Variants in ITPR2 observed in about 807,000 individuals in gnomAD.
The protein encoded by ITPR2 is inositol 1,4,5-trisphosphate-gated calcium channel ITPR2.
In ITPR2, 207 loss-of-function variants were observed where a neutral mutation model predicts 317.1. That is an observed-to-expected ratio of 0.65 (90% CI 0.58 to 0.73). The LOEUF is 0.73. Among genes scored for constraint, ITPR2 ranks in the 30% least tolerant of loss-of-function variants. The pLI is 0.00. For synonymous variants in ITPR2, 1,156 were observed against 1,149.1 expected, an observed-to-expected ratio of 1.01 and a Z score of -0.12; for missense variants, 2,613 against 3,284.0, an observed-to-expected ratio of 0.80 and a Z score of 4.99.
chr12:26,660,901 C>T (rs1947480733), intron 15 of ITPR2, among the ~76,000 whole-genome samples: 1 of 151,668 alleles, frequency 6.6e-6, no homozygotes, highest in Non-Finnish European at 1.5e-5. Flanking sequence ...AGGACTACAA[C>T]ATATAGGTGA....
intron 45 of ITPR2, among the ~76,000 whole-genome samples, chr12:26,451,973 T>A (rs529766548): frequency 6.6e-6 from 1 of 152,292 alleles, no homozygotes; most frequent in South Asian, 2.1e-4. Flanking sequence ...CTAACACTCA[T>A]CCTAATAGAA....
At chr12:26,464,175 G>A (rs1048542770) in intron 45 of ITPR2, among the ~76,000 whole-genome samples, 1 of 152,112 alleles carries the variant, frequency 6.6e-6, no homozygotes, top group Non-Finnish European at 1.5e-5. Context: ...TGGGGCGTGG[G>A]GGGGAATGGT....
chr12:26,558,435 T>C (rs1944721774), intron 35 of ITPR2, among the ~76,000 whole-genome samples: 3 of 152,226 alleles, frequency 2.0e-5, no homozygotes, highest in South Asian at 4.1e-4. Flanking sequence ...CTCTAACACA[T>C]ACAGGCCACT....
intron 34 of ITPR2, among the ~76,000 whole-genome samples, chr12:26,574,841 G>T (rs1006675889): frequency 1.3e-5 from 2 of 151,888 alleles, no homozygotes; most frequent in Admixed American, 6.6e-5. Context: ...TAAACAACCA[G>T]ATCTCACGGG....
intron 52 of ITPR2, among the ~76,000 whole-genome samples, chr12:26,409,002 T>C (rs1940451524): frequency 6.6e-6 from 1 of 152,176 alleles, no homozygotes; most frequent in Non-Finnish European, 1.5e-5. Context: ...CAGGAGTCAT[T>C]TAATTTTACC....
At chr12:26,687,613 A>G (rs755062234) in intron 10 of ITPR2, among the ~76,000 whole-genome samples, 34 of 152,048 alleles carry the variant, frequency 2.2e-4, no homozygotes, top group Non-Finnish European at 4.7e-4. Flanking sequence ...TGGAGTCCCT[A>G]CCCCCTCCCA....
At chr12:26,347,099 T>C (rs1938335156) in intron 55 of ITPR2, among the ~76,000 whole-genome samples, 2 of 152,334 alleles carry the variant, frequency 1.3e-5, no homozygotes, top group Middle Eastern at 6.8e-3. Context: ...CAAATGTCCC[T>C]GCACCTGACT....
At chr12:26,622,758 G>A (rs1296227582) in intron 24 of ITPR2, among the ~76,000 whole-genome samples, 4 of 152,180 alleles carry the variant, frequency 2.6e-5, no homozygotes, top group Admixed American at 2.0e-4. Context: ...GATGTACACC[G>A]ATGACTGATT....
chr12:26,650,780 C>A (rs988809916), intron 21 of ITPR2, among the ~76,000 whole-genome samples: 1 of 152,122 alleles, frequency 6.6e-6, no homozygotes, highest in African/African-American at 2.4e-5. Flanking sequence ...GTGTTATGTA[C>A]CCTCTGGGAG....
chr12:26,544,605 G>GAC (rs10648602), intron 37 of ITPR2, among the ~76,000 whole-genome samples: 28,392 of 146,390 alleles, frequency 0.19, 3,525 homozygotes, highest in East Asian at 0.45. Flanking sequence ...GAGACACACA[G>GAC]ACACACACAC....
At chr12:26,484,529 C>A (rs769186098) in intron 41 of ITPR2, among the ~76,000 whole-genome samples, 21 of 152,192 alleles carry the variant, frequency 1.4e-4, no homozygotes, top group African/African-American at 4.3e-4. Context: ...CACCAGAAAC[C>A]ATATCATATG....
intron 2 of ITPR2, among the ~76,000 whole-genome samples, chr12:26,750,310 T>G (rs905654763): frequency 1.3e-5 from 2 of 152,202 alleles, no homozygotes; most frequent in Non-Finnish European, 2.9e-5. Context: ...TGTGGATTAA[T>G]AGTGACCTCT....
intron 4 of ITPR2, 39 bp from the exon 5 acceptor site, chr12:26,722,594 G>C (rs1948856094): frequency 1.4e-6 from 2 of 1,433,528 alleles, no homozygotes; most frequent in South Asian, 2.4e-5. Flanking sequence ...TTTATTCTTT[G>C]TTCTCCTCTG....
intron 52 of ITPR2, among the ~76,000 whole-genome samples, chr12:26,404,622 G>C (rs1940288712): frequency 6.6e-6 from 1 of 152,142 alleles, no homozygotes; most frequent in Non-Finnish European, 1.5e-5. Flanking sequence ...TCGGTCAACT[G>C]TTTTATAGGG....
At chr12:26,779,353 C>T (rs1207869826) in intron 2 of ITPR2, among the ~76,000 whole-genome samples, 2 of 152,198 alleles carry the variant, frequency 1.3e-5, no homozygotes, top group Admixed American at 1.3e-4. Flanking sequence ...GTGACCTGAA[C>T]TCCCTATCAT....
chr12:26,361,801 A>G (rs1392788310), intron 55 of ITPR2, among the ~76,000 whole-genome samples: 1 of 152,228 alleles, frequency 6.6e-6, no homozygotes, highest in Non-Finnish European at 1.5e-5. Context: ...TGCCTAATGT[A>G]TAACGTGAGG....
intron 8 of ITPR2, 65 bp from the exon 9 acceptor site, chr12:26,711,333 C>G: frequency 3.8e-6 from 4 of 1,041,734 alleles, no homozygotes; most frequent in Non-Finnish European, 6.1e-6. Flanking sequence ...CAAACACCAA[C>G]AGTTTACATG....
At chr12:26,383,329 C>T (rs1020004043) in intron 55 of ITPR2, among the ~76,000 whole-genome samples, 2 of 152,142 alleles carry the variant, frequency 1.3e-5, no homozygotes, top group African/African-American at 4.8e-5. Context: ...TCCTTTACAG[C>T]AATGCAAAAC....
chr12:26,676,791 G>C (rs1434617528), intron 13 of ITPR2, among the ~76,000 whole-genome samples: 1 of 151,482 alleles, frequency 6.6e-6, no homozygotes, highest in Non-Finnish European at 1.5e-5. Flanking sequence ...GTAAAAAAAA[G>C]ATGTTTCTTT....
Sources: gnomAD v4.1 joint callset for allele counts (sites outside exome capture counted in the v4.1 genomes callset) on GRCh38, gnomAD v4.1.1 for gene constraint, MANE v1.5 for transcripts, NCBI Gene and HGNC (gene_info 2026-07-23, HGNC 2026-07-21) for gene names.